Variants in ZNF503 observed in about 807,000 individuals in gnomAD.
ZNF503 encodes zinc finger protein 503, also known as NocA-like zinc finger 2.
In ZNF503, 15 loss-of-function variants were observed where a neutral mutation model predicts 34.4. That is an observed-to-expected ratio of 0.44 (90% CI 0.29 to 0.67). The LOEUF (loss-of-function observed/expected upper bound fraction) is 0.67. ZNF503 is among the 30% of genes least tolerant of loss of function. The pLI, the probability that ZNF503 is intolerant of heterozygous loss-of-function variation, is 0.13. For missense variants in ZNF503, 1,007 were observed against 926.8 expected (o/e 1.09, Z -1.12); for synonymous variants, 580 against 456.8 (o/e 1.27, Z -3.44).
At chr10:75,348,379 G>A in the ZNF503 span, among the ~76,000 whole-genome samples, 1 of 151,334 alleles carries the variant, frequency 6.6e-6, no homozygotes, top group South Asian at 2.1e-4. Context: ...TGAAATTTTT[G>A]GAGAGACAAG....
the ZNF503 span, among the ~76,000 whole-genome samples, chr10:75,372,081 C>G: frequency 6.6e-6 from 1 of 152,166 alleles, no homozygotes; most frequent in African/African-American, 2.4e-5. Context: ...CAGGTGCCCG[C>G]TACCACTGCC....
At chr10:75,329,381 TCTTCCTTCCTTCCTTC>T in the ZNF503 span, among the ~76,000 whole-genome samples, 1 of 129,112 alleles carries the variant, frequency 7.7e-6, no homozygotes. Context: ...CTTCTTTCTT[TCTTCCTTCCTTCCTTC>T]CTTCCTTCCT....
the ZNF503 span, among the ~76,000 whole-genome samples, chr10:75,384,359 C>A: frequency 1.1e-4 from 16 of 152,070 alleles, no homozygotes; most frequent in African/African-American, 3.4e-4. Context: ...AATTCACAAA[C>A]ACACACACAC....
chr10:75,400,102 GCCACCGCCTCCA>G lies in ZNF503; in HGVS notation c.576_587del (p.Gly201_Gly204del), dbSNP rs1843768037. 1 of 808,622 alleles carries G rather than the reference GCCACCGCCTCCA, an allele frequency of 1.2e-6. No homozygotes were observed. Among genetic ancestry groups the G allele is most frequent in the African/African-American group, 2.0e-5 (1 of 49,502 alleles). The allele number at this position is 808,622 out of a possible 1,614,324, so 50.1% of individuals were successfully genotyped here. A position where few individuals can be genotyped will look rare whatever the true frequency, so the allele number is the denominator to read the frequency against. On this transcript the variant is annotated inframe_deletion, in exon 2 of 2. Coordinates refer to ENST00000372524, the MANE Select transcript of ZNF503 (RefSeq NM_032772.6). ...CACCCCCGCCGCCGCCCCCGCCACC[GCCACCGCCTCCA>G]CCGCCGCCTCCCGGCTCCTTCTTAT...
the ZNF503 span, among the ~76,000 whole-genome samples, chr10:75,362,717 C>T: frequency 2.6e-5 from 4 of 152,106 alleles, no homozygotes; most frequent in Non-Finnish European, 5.9e-5. Flanking sequence ...TGCTCAGGAA[C>T]CAGAGATTAA....
chr10:75,385,783 A>T, the ZNF503 span, among the ~76,000 whole-genome samples: 1 of 152,130 alleles, frequency 6.6e-6, no homozygotes, highest in South Asian at 2.1e-4. Flanking sequence ...ATGATTGGAA[A>T]ATACAACTGG....
chr10:75,335,927 C>T, the ZNF503 span, among the ~76,000 whole-genome samples: 3 of 152,120 alleles, frequency 2.0e-5, no homozygotes, highest in Non-Finnish European at 2.9e-5. Flanking sequence ...GACTTTTAAC[C>T]TTTCTCTGTT....
chr10:75,356,663 G>C, the ZNF503 span, among the ~76,000 whole-genome samples: 3 of 152,220 alleles, frequency 2.0e-5, no homozygotes. Context: ...TGTGCCAGCT[G>C]CTATCCCCTC....
chr10:75,297,623 A>AC, the ZNF503 span, among the ~76,000 whole-genome samples: 1 of 152,198 alleles, frequency 6.6e-6, no homozygotes, highest in Non-Finnish European at 1.5e-5. Flanking sequence ...TCTCACAGAG[A>AC]CCCAAGAGCA....
chr10:75,338,607 G>A, the ZNF503 span, among the ~76,000 whole-genome samples: 1 of 152,190 alleles, frequency 6.6e-6, no homozygotes, highest in Non-Finnish European at 1.5e-5. Flanking sequence ...CTGGGGAGTG[G>A]CAGCAGTGCT....
the ZNF503 span, among the ~76,000 whole-genome samples, chr10:75,369,526 C>T: frequency 1.1e-4 from 16 of 152,184 alleles, no homozygotes; most frequent in African/African-American, 3.9e-4. Context: ...CCCCTTCCAC[C>T]ATGATTGTAA....
the ZNF503 span, among the ~76,000 whole-genome samples, chr10:75,334,422 G>A: frequency 1.3e-5 from 2 of 152,074 alleles, no homozygotes; most frequent in African/African-American, 4.8e-5. Flanking sequence ...GTCTTTCTCT[G>A]GTTTTTGGTC....
chr10:75,324,013 AG>A, the ZNF503 span, among the ~76,000 whole-genome samples: 6 of 147,966 alleles, frequency 4.1e-5, no homozygotes, highest in Admixed American at 3.3e-4. Context: ...AAAAAAAAAA[AG>A]GGTTGCTTGT....
the ZNF503 span, among the ~76,000 whole-genome samples, chr10:75,384,171 G>A: frequency 2.0e-5 from 3 of 152,008 alleles, no homozygotes; most frequent in South Asian, 4.1e-4. Flanking sequence ...TGTGTGGTGG[G>A]CGCTCCTGTC....
the ZNF503 span, among the ~76,000 whole-genome samples, chr10:75,294,537 C>A: frequency 2.0e-5 from 3 of 152,168 alleles, no homozygotes; most frequent in Admixed American, 6.5e-5. Flanking sequence ...TCAAAGACTG[C>A]AGTCTTCTCA....
At chr10:75,336,695 G>T in the ZNF503 span, among the ~76,000 whole-genome samples, 1 of 152,184 alleles carries the variant, frequency 6.6e-6, no homozygotes, top group Admixed American at 6.5e-5. Context: ...TGTTGGCCAG[G>T]CTGGGATCTT....
the ZNF503 span, among the ~76,000 whole-genome samples, chr10:75,364,020 AC>A: frequency 1.1e-4 from 16 of 152,276 alleles, no homozygotes; most frequent in Non-Finnish European, 1.9e-4. Flanking sequence ...CAAGCATTCC[AC>A]TTTTTCATTA....
In ZNF503 at chr10:75,400,381, G is replaced by A. The variant is rs907123743; in HGVS notation, c.316-7C>T. On this transcript the variant is annotated splice_region_variant and splice_polypyrimidine_tract_variant and intron_variant, in intron 1 of 1. Coordinates refer to ENST00000372524, the MANE Select transcript of ZNF503 (RefSeq NM_032772.6). ...GGCTCTTCTTGGCATCGAGCTGCGGGGTCAGACGATGGGGGGGGAGCGTCA... is the reference window on the plus strand; with the variant it reads ...GGCTCTTCTTGGCATCGAGCTGCGGAGTCAGACGATGGGGGGGGAGCGTCA... 3.1e-6 allele frequency: 5 copies of A among 1,596,770 alleles called. No homozygotes were observed. Among genetic ancestry groups the A allele is most frequent in the Non-Finnish European group, 3.4e-6 (4 of 1,173,958 alleles).
At chr10:75,345,160 C>G in the ZNF503 span, among the ~76,000 whole-genome samples, 1 of 152,132 alleles carries the variant, frequency 6.6e-6, no homozygotes, top group Non-Finnish European at 1.5e-5. Flanking sequence ...ACAAGGAATG[C>G]TGTGATGCTG....
Sources: gnomAD v4.1 joint callset for allele counts (sites outside exome capture counted in the v4.1 genomes callset) on GRCh38, gnomAD v4.1.1 for gene constraint, MANE v1.5 for transcripts, NCBI Gene and HGNC (gene_info 2026-07-23, HGNC 2026-07-21) for gene names.